Variants in MLIP observed in about 807,000 individuals in gnomAD.
MLIP encodes the protein muscular LMNA-interacting protein.
In MLIP, 79 loss-of-function variants were observed where a neutral mutation model predicts 84.8. The observed-to-expected ratio is 0.93, with a 90% confidence interval of 0.78 to 1.12. MLIP has a LOEUF of 1.12. Among genes scored for constraint, MLIP ranks in the 50% most tolerant of loss-of-function variants. The pLI is 0.00. For synonymous variants in MLIP, 504 were observed against 463.0 expected (o/e 1.09, Z -1.14); for missense variants, 1,257 against 1,160.6 (o/e 1.08, Z -1.21).
chr6:54,127,598 T>A (rs1195257994), intron 3 of MLIP, among the ~76,000 whole-genome samples: 1 of 152,104 alleles, frequency 6.6e-6, no homozygotes, highest in Admixed American at 6.6e-5. Context: ...ATGTCTTATC[T>A]CCCCTAAGAG....
Position 54,138,181 on chromosome 6 carries a change from A to T in MLIP, c.2112A>T (p.Ser704=), listed in dbSNP as rs1001246313. Reference sequence around the variant, plus strand: ...AAAGCACCACCCCCAACCACAGGTCACCTGTTTCAACCCCATCACTTCCCA... The same window carrying T: ...AAAGCACCACCCCCAACCACAGGTCTCCTGTTTCAACCCCATCACTTCCCA... ...KSESTTPNHR[S]PVSTPSLPIS... Residue 704 remains serine, a synonymous_variant, in exon 4 of 14, where the codon TCA becomes TCT. Coordinates refer to ENST00000502396, the MANE Select transcript of MLIP (RefSeq NM_001281747.2). 1 of 1,536,094 alleles carries T rather than the reference A, an allele frequency of 6.5e-7. No individual in the cohort carries two copies. The highest frequency in any genetic ancestry group is 2.4e-5 in the East Asian group (1 of 40,912).
At chr6:54,083,655 T>C in intron 1 of MLIP, 2 of 1,532,166 alleles carry the variant, frequency 1.3e-6, no homozygotes, top group African/African-American at 2.7e-5. Context: ...TCCTTGATAC[T>C]GTCACCCTGT....
chr6:54,219,207 AAAAAATAAAAATAAAAAAT>A (rs917962742), intron 11 of MLIP, among the ~76,000 whole-genome samples: 11 of 151,954 alleles, frequency 7.2e-5, no homozygotes, highest in African/African-American at 2.6e-4. Flanking sequence ...TCCGTCTCAA[AAAAAATAAAAATAAAAAAT>A]AAAAATAAAA....
intron 1 of MLIP, among the ~76,000 whole-genome samples, chr6:54,052,444 G>A (rs1341409314): frequency 6.6e-6 from 1 of 152,188 alleles, no homozygotes; most frequent in Non-Finnish European, 1.5e-5. Flanking sequence ...GAAAGGTTTA[G>A]ATTATGTTTA....
At chr6:54,181,743 G>T (rs1243672579) in intron 9 of MLIP, among the ~76,000 whole-genome samples, 5 of 152,126 alleles carry the variant, frequency 3.3e-5, no homozygotes, top group Non-Finnish European at 7.4e-5. Flanking sequence ...GTCCTGCCAG[G>T]ACTGGTCTTT....
In MLIP at chr6:54,209,354, G is replaced by A. The variant is rs78689940; in HGVS notation, c.2718+7121G>A. Among the ~76,000 whole-genome samples the A allele has an allele frequency of 8.1e-3, 1,235 of 152,276 alleles. 18 individuals are homozygous for A. The highest frequency in any genetic ancestry group is 0.028 in the African/African-American group (1,156 of 41,552). On this transcript the variant is annotated intron_variant, in intron 11 of 13. Coordinates refer to ENST00000502396, the MANE Select transcript of MLIP (RefSeq NM_001281747.2). Reference sequence around the variant, plus strand: ...TAAGAGAAGCAAAGAGCTAAAGCTGGTAATCAAACTGTGTTTTGAATTCCA... The same window carrying A: ...TAAGAGAAGCAAAGAGCTAAAGCTGATAATCAAACTGTGTTTTGAATTCCA...
Position 54,137,955 on chromosome 6 carries a change from C to A in MLIP, c.1886C>A (p.Ser629Tyr). Residue 629 changes from serine (S) to tyrosine (Y), a missense_variant, in exon 4 of 14, where the codon TCC becomes TAC. Coordinates refer to ENST00000502396, the MANE Select transcript of MLIP (RefSeq NM_001281747.2). ...ATAAACAGATCTAAAAGAGCATCAT[C>A]CCAACTATCTGGCCAGGAGCTGAAT... ...SLINRSKRAS[S>Y]QLSGQELNPS... 1 of 1,536,106 alleles carries A rather than the reference C, an allele frequency of 6.5e-7. No individual in the cohort carries two copies. The highest frequency in any genetic ancestry group is 8.7e-7 in the Non-Finnish European group (1 of 1,146,880).
At chr6:54,029,004 G>T (rs1020514807) in intron 1 of MLIP, 1 of 151,960 alleles carries the variant, frequency 6.6e-6, no homozygotes, top group African/African-American at 2.4e-5. Context: ...TATTTTTGTG[G>T]GTTTATGGTT....
At chr6:54,127,380 G>A (rs1242229390) in intron 3 of MLIP, among the ~76,000 whole-genome samples, 1 of 151,998 alleles carries the variant, frequency 6.6e-6, no homozygotes, top group African/African-American at 2.4e-5. Flanking sequence ...ACATATAAAG[G>A]GGGTTCAATA....
chr6:54,063,673 G>A (rs1455991737), intron 1 of MLIP, among the ~76,000 whole-genome samples: 1 of 142,758 alleles, frequency 7.0e-6, no homozygotes, highest in Non-Finnish European at 1.5e-5. Flanking sequence ...TTAAAAAATG[G>A]ACATGATTAG....
At chr6:54,101,976 G>A (rs2150390654) in intron 1 of MLIP, among the ~76,000 whole-genome samples, 1 of 152,212 alleles carries the variant, frequency 6.6e-6, no homozygotes, top group Non-Finnish European at 1.5e-5. Flanking sequence ...GTTCTCCTGG[G>A]TAGGAACCAT....
chr6:54,173,624 G>T (rs1775983309), intron 9 of MLIP, among the ~76,000 whole-genome samples: 1 of 151,530 alleles, frequency 6.6e-6, no homozygotes, highest in African/African-American at 2.4e-5. Context: ...GGTATGTATG[G>T]GGTACATGAG....
chr6:54,136,669 C>G, intron 3 of MLIP, 46 bp from the exon 4 acceptor site: 1 of 1,382,192 alleles, frequency 7.2e-7, no homozygotes, highest in Non-Finnish European at 9.4e-7. Context: ...TTGATCGTTT[C>G]ACAAATAATG....
chr6:54,102,229 A>C (rs1479588735), intron 1 of MLIP, among the ~76,000 whole-genome samples: 1 of 152,158 alleles, frequency 6.6e-6, no homozygotes, highest in Non-Finnish European at 1.5e-5. Context: ...TGTCTAGTGG[A>C]CATCGTAATT....
intron 11 of MLIP, among the ~76,000 whole-genome samples, chr6:54,224,584 ATTATT>A (rs1412405034): frequency 5.9e-5 from 9 of 151,968 alleles, no homozygotes; most frequent in African/African-American, 2.2e-4. Flanking sequence ...TATTATTATT[ATTATT>A]TTATTTTTAC....
chr6:54,195,378 T>C (rs780701240), intron 10 of MLIP, among the ~76,000 whole-genome samples: 12 of 152,242 alleles, frequency 7.9e-5, no homozygotes, highest in East Asian at 1.9e-4. Context: ...CGAGAGCTTA[T>C]TACTATAGTC....
chr6:54,180,930 G>A (rs774735069), intron 9 of MLIP, among the ~76,000 whole-genome samples: 4 of 152,102 alleles, frequency 2.6e-5, no homozygotes, highest in Non-Finnish European at 4.4e-5. Flanking sequence ...ACATTGAAGA[G>A]TTAGGTATTT....
intron 10 of MLIP, among the ~76,000 whole-genome samples, chr6:54,196,076 T>C (rs979613389): frequency 1.3e-5 from 2 of 152,172 alleles, no homozygotes; most frequent in African/African-American, 4.8e-5. Flanking sequence ...AAATGCCATA[T>C]GGCTCTTCTA....
intron 1 of MLIP, among the ~76,000 whole-genome samples, chr6:54,060,553 A>C (rs902375003): frequency 6.6e-6 from 1 of 152,214 alleles, no homozygotes. Context: ...CCCACTGTGC[A>C]TTCTGACGTG....
Sources: allele counts gnomAD v4.1 joint callset (sites outside exome capture counted in the v4.1 genomes callset), GRCh38; gene constraint gnomAD v4.1.1; transcripts MANE v1.5; gene names NCBI Gene and HGNC (gene_info 2026-07-23, HGNC 2026-07-21).